The following LRRC40 variants were observed in gnomAD, a reference collection of about 807,000 sequenced individuals.
The protein encoded by LRRC40 is leucine-rich repeat-containing protein 40.
A neutral mutation model predicts 72.8 loss-of-function variants in LRRC40; 76 were observed. The observed-to-expected ratio is 1.04, with a 90% confidence interval of 0.87 to 1.26. LRRC40 has a LOEUF of 1.26. LRRC40 is among the 50% of genes most tolerant of loss of function. The pLI is 0.00. For missense variants in LRRC40, 684 were observed against 698.9 expected (o/e 0.98, Z 0.24); for synonymous variants, 243 against 254.2 (o/e 0.96, Z 0.42).
At position 70,181,187 on chromosome 1, in the gene LRRC40, G is replaced by C. The variant is rs1434432698; in HGVS notation, c.560C>G (p.Thr187Arg). 3 of 1,569,926 alleles carry C rather than the reference G, an allele frequency of 1.9e-6. No homozygotes were observed. Among genetic ancestry groups the C allele is most frequent in the East Asian group, 2.3e-5 (1 of 43,374 alleles). ...EDLDLSNNHLTTVPASFSSLS... is the reference protein window; with the variant it reads ...EDLDLSNNHLRTVPASFSSLS... Reference sequence around the variant, plus strand: ...AGAAGAAAAACTAGCAGGAACAGTTGTAAGATGATTGTTTGAAAGATCCTT... The same window carrying C: ...AGAAGAAAAACTAGCAGGAACAGTTCTAAGATGATTGTTTGAAAGATCCTT... Residue 187 changes from threonine to arginine, a missense_variant, in exon 5 of 15, where the codon ACA becomes AGA. Transcript: ENST00000370952.
At chr1:70,171,538 A>G (rs1422249814) in intron 9 of LRRC40, among the ~76,000 whole-genome samples, 2 of 152,194 alleles carry the variant, frequency 1.3e-5, no homozygotes, top group Non-Finnish European at 2.9e-5. Flanking sequence ...CTGAATAGCC[A>G]TTTCTCTAAA....
At chr1:70,195,828 G>T (rs1299147106) in intron 1 of LRRC40, among the ~76,000 whole-genome samples, 1 of 152,120 alleles carries the variant, frequency 6.6e-6, no homozygotes, top group Non-Finnish European at 1.5e-5. Flanking sequence ...TAGAGGCGGG[G>T]TTTCGCCATG....
intron 4 of LRRC40, among the ~76,000 whole-genome samples, chr1:70,182,814 T>C (rs531186266): frequency 3.3e-5 from 5 of 152,152 alleles, no homozygotes; most frequent in Non-Finnish European, 5.9e-5. Flanking sequence ...TTTAATATAT[T>C]GTTGCTCACA....
rs59341874 is a variant in LRRC40 at position 70,190,677 on chromosome 1, T to TAAAAAAAAAAAAAAAAAAAAAAAAAAAA, written c.152-1405_152-1404insTTTTTTTTTTTTTTTTTTTTTTTTTTTT. On this transcript the variant is annotated intron_variant, in intron 1 of 14. Coordinates refer to ENST00000370952, the MANE Select transcript of LRRC40 (RefSeq NM_017768.5). Reference sequence around the variant, plus strand: ...GGGAAACAGAGTGAGACCCTGTCTCTAAAAAAAAAAAAAAAAAAACTTAAA... The same window carrying TAAAAAAAAAAAAAAAAAAAAAAAAAAAA: ...GGGAAACAGAGTGAGACCCTGTCTCTAAAAAAAAAAAAAAAAAAAAAAAAAAAAAAAAAAAAAAAAAAAAAAACTTAAA... 3.1e-4 allele frequency among the ~76,000 whole-genome samples: 17 copies of TAAAAAAAAAAAAAAAAAAAAAAAAAAAA among 54,342 alleles called. 1 individual carries two copies. Among genetic ancestry groups the TAAAAAAAAAAAAAAAAAAAAAAAAAAAA allele is most frequent in the African/African-American group, 6.3e-4 (5 of 7,912 alleles). 35.7% of individuals were successfully genotyped at this position (54,342 alleles called of 152,430 possible).
chr1:70,184,786 A>G lies in LRRC40; in HGVS notation c.536T>C (p.Leu179Ser). 1 of 1,599,302 alleles carries G rather than the reference A, an allele frequency of 6.3e-7. No homozygotes were observed. The highest frequency in any genetic ancestry group is 8.5e-7 in the Non-Finnish European group (1 of 1,175,972). Residue 179 changes from leucine (L) to serine (S), a missense_variant and splice_region_variant, in exon 4 of 15, where the codon TTA (leucine) becomes TCA (serine). Coordinates refer to ENST00000370952, the MANE Select transcript of LRRC40 (RefSeq NM_017768.5). ...GFEQLSNLED[L>S]DLSNNHLTTV... is the part of the protein sequence containing the mutation. ...AAAAATTGGAAAATCAGAACTTACT[A>G]AATCTTCTAAATTGGAAAGTTGTTC...
chr1:70,149,782 T>C (rs1667421550), intron 13 of LRRC40, among the ~76,000 whole-genome samples: 1 of 152,104 alleles, frequency 6.6e-6, no homozygotes. Context: ...CACTATGCAT[T>C]AGCTTCCTCA....
chr1:70,186,785 T>C (rs1668368438), intron 3 of LRRC40, among the ~76,000 whole-genome samples: 1 of 152,172 alleles, frequency 6.6e-6, no homozygotes, highest in East Asian at 1.9e-4. Context: ...TACCAGTATG[T>C]CCATGACAGT....
chr1:70,195,198 C>T (rs1168501250), intron 1 of LRRC40, among the ~76,000 whole-genome samples: 1 of 151,778 alleles, frequency 6.6e-6, no homozygotes, highest in African/African-American at 2.4e-5. Context: ...AAAAGAAAAA[C>T]AATTGATAAA....
At chr1:70,187,838 G>GGAAGAGAAGAGAAGA (rs60796937) in intron 2 of LRRC40, among the ~76,000 whole-genome samples, 8,548 of 123,716 alleles carry the variant, frequency 0.069, 607 homozygotes, top group East Asian at 0.12. Flanking sequence ...CTCAAAAAAT[G>GGAAGAGAAGAGAAGA]GAAGAGAAGA....
chr1:70,205,531 G>C lies in LRRC40; in HGVS notation c.10C>G (p.Leu4Val). Residue 4 changes from leucine to valine, a missense_variant, in exon 1 of 15, where the codon CTG (leucine) becomes GTG (valine). By Grantham distance (32) the Leu-to-Val change is conservative. Transcript: ENST00000370952. MSR[L>V]KRIAGQDLRA... ...AGATCCTGCCCCGCTATCCGCTTCA[G>C]GCGCGACATGTTCAAAGTCCTAGGT... 6.3e-7 allele frequency: 1 copy of C among 1,595,566 alleles called. No individual in the cohort carries two copies. Among genetic ancestry groups the C allele is most frequent in the Non-Finnish European group, 8.6e-7 (1 of 1,165,954 alleles).
chr1:70,201,022 G>C (rs1378330695), intron 1 of LRRC40, among the ~76,000 whole-genome samples: 1 of 152,044 alleles, frequency 6.6e-6, no homozygotes, highest in East Asian at 1.9e-4. Context: ...AAATAAAATA[G>C]CTGGGTTTGG....
At chr1:70,175,096 CA>C (rs971609223) in intron 7 of LRRC40, among the ~76,000 whole-genome samples, 4 of 147,292 alleles carry the variant, frequency 2.7e-5, no homozygotes, top group Non-Finnish European at 3.0e-5. Context: ...TACTATTAGG[CA>C]AAAAAAAAGC....
chr1:70,199,651 TTTC>T (rs753417965), intron 1 of LRRC40, among the ~76,000 whole-genome samples: 5 of 152,208 alleles, frequency 3.3e-5, no homozygotes, highest in Non-Finnish European at 7.3e-5. Flanking sequence ...TTAATAACAT[TTTC>T]TTTTCTCTAG....
At chr1:70,181,002 C>A in intron 5 of LRRC40, 84 bp downstream of exon 5, 1 of 1,025,328 alleles carries the variant, frequency 9.8e-7, no homozygotes, top group South Asian at 2.1e-5. Context: ...CTTTAGTTCT[C>A]TGTAACTATA....
At chr1:70,176,529 C>A (rs2100295142) in intron 6 of LRRC40, among the ~76,000 whole-genome samples, 2 of 92,054 alleles carry the variant, frequency 2.2e-5, no homozygotes, top group African/African-American at 4.3e-5. Context: ...AAGAATCCAT[C>A]TCAAAAAAAA....
chr1:70,159,198 C>T lies in LRRC40; in HGVS notation c.1220+132G>A, dbSNP rs1163447049. ...ATAAATTAGGCCAAGCATGGTAGCT[C>T]AAGCCTATAATCCTAGCACTTTGAG... On this transcript the variant is annotated intron_variant, in intron 10 of 14. Coordinates refer to ENST00000370952, the MANE Select transcript of LRRC40 (RefSeq NM_017768.5). 5 of 403,218 alleles carry T rather than the reference C, an allele frequency of 1.2e-5. No homozygotes were observed. In the East Asian group the frequency reaches 1.9e-4, roughly 15 times the overall value. The allele number at this position is 403,218 out of a possible 1,614,324, so 25.0% of individuals were successfully genotyped here. A position where few individuals can be genotyped will look rare whatever the true frequency, so the allele number is the denominator to read the frequency against.
rs1668180421 is a variant in LRRC40, at chr1:70,179,003, A to G, written c.662-10T>C. On this transcript the variant is annotated splice_polypyrimidine_tract_variant and intron_variant, in intron 5 of 14. Coordinates refer to ENST00000370952, the MANE Select transcript of LRRC40 (RefSeq NM_017768.5). Reference sequence around the variant, plus strand: ...TCCAAATGCTTCAACCCTGTAATATATATTCAGTAAAAAACAAAAATAGAG... The same window carrying G: ...TCCAAATGCTTCAACCCTGTAATATGTATTCAGTAAAAAACAAAAATAGAG... 2.7e-6 allele frequency: 4 copies of G among 1,486,842 alleles called. No homozygotes were observed. Among genetic ancestry groups the G allele is most frequent in the African/African-American group, 1.4e-5 (1 of 71,250 alleles). The allele number at this position is 1,486,842 out of a possible 1,614,324, so 92.1% of individuals were successfully genotyped here.
intron 1 of LRRC40, among the ~76,000 whole-genome samples, chr1:70,202,410 A>G (rs933536660): frequency 6.6e-6 from 1 of 152,208 alleles, no homozygotes; most frequent in African/African-American, 2.4e-5. Flanking sequence ...ATGCATACTG[A>G]TTAGTTAAAA....
rs755944413 is a variant in LRRC40, at chr1:70,173,615, T to C, written c.1065+7A>G. 1.3e-6 allele frequency: 2 copies of C among 1,537,062 alleles called. No individual in the cohort carries two copies. The highest frequency in any genetic ancestry group is 2.3e-5 in the South Asian group (2 of 85,846). ...TTAACAAAGAGCTGAATTCCAAATA[T>C]ACTTACACTTATAATTTCTCTTCGA... On this transcript the variant is annotated splice_region_variant and intron_variant, in intron 8 of 14. Coordinates refer to ENST00000370952, the MANE Select transcript of LRRC40 (RefSeq NM_017768.5).
Sources: gnomAD v4.1 joint callset for allele counts (sites outside exome capture counted in the v4.1 genomes callset) on GRCh38, gnomAD v4.1.1 for gene constraint, MANE v1.5 for transcripts, NCBI Gene and HGNC (gene_info 2026-07-23, HGNC 2026-07-21) for gene names.